Variants in AFG1L observed in about 807,000 individuals in gnomAD.
The protein encoded by AFG1L is AFG1 like ATPase, also known as AFG1-like ATPase.
Under a neutral mutation model 62.2 loss-of-function variants are expected in AFG1L, and 53 were observed. That is an observed-to-expected ratio of 0.85 (90% CI 0.68 to 1.07). The LOEUF is 1.07. Among genes scored for constraint, AFG1L ranks in the 50% least tolerant of loss-of-function variants. AFG1L has a pLI of 0.00. For synonymous variants in AFG1L, 228 were observed against 210.3 expected (o/e 1.08, Z -0.73); for missense variants, 555 against 590.5 (o/e 0.94, Z 0.62).
At chr6:108,361,937 G>A (rs998370298) in intron 5 of AFG1L, among the ~76,000 whole-genome samples, 3 of 152,114 alleles carry the variant, frequency 2.0e-5, no homozygotes, top group Non-Finnish European at 2.9e-5. Flanking sequence ...TTCCCAGAAT[G>A]TAAACTTGAA....
chr6:108,507,773 A>G (rs1186667594), intron 10 of AFG1L, among the ~76,000 whole-genome samples: 1 of 152,206 alleles, frequency 6.6e-6, no homozygotes, highest in Admixed American at 6.5e-5. Context: ...GTCTTAATGT[A>G]TGAGTTTTCC....
intron 8 of AFG1L, among the ~76,000 whole-genome samples, chr6:108,463,506 T>G (rs1371185840): frequency 6.6e-6 from 1 of 151,870 alleles, no homozygotes; most frequent in African/African-American, 2.4e-5. Flanking sequence ...CAATTCTAGA[T>G]GTCATGGTAC....
intron 6 of AFG1L, 107 bp downstream of exon 6, chr6:108,366,439 T>G: frequency 1.7e-6 from 1 of 591,822 alleles, no homozygotes; most frequent in Non-Finnish European, 2.8e-6. Context: ...ATCTGATGAC[T>G]TTGCTTATTA....
chr6:108,449,601 C>CT (rs902988395), intron 8 of AFG1L, among the ~76,000 whole-genome samples: 62 of 151,442 alleles, frequency 4.1e-4, no homozygotes, highest in Non-Finnish European at 6.6e-4. Context: ...TGTAGAAAAA[C>CT]TTTTTTTTTA....
intron 2 of AFG1L, among the ~76,000 whole-genome samples, chr6:108,329,317 G>C (rs1010660168): frequency 4.7e-5 from 7 of 150,010 alleles, no homozygotes; most frequent in African/African-American, 1.5e-4. Flanking sequence ...TATTTTTTTT[G>C]AGACAGAGTC....
chr6:108,310,916 G>A (rs539433572), intron 1 of AFG1L, among the ~76,000 whole-genome samples: 8 of 152,072 alleles, frequency 5.3e-5, no homozygotes, highest in Non-Finnish European at 1.2e-4. Flanking sequence ...TTATTGTAAC[G>A]GTGAATGGGA....
intron 4 of AFG1L, 68 bp from the exon 5 acceptor site, chr6:108,356,622 A>T: frequency 1.8e-6 from 2 of 1,134,218 alleles, no homozygotes; most frequent in Non-Finnish European, 2.4e-6. Flanking sequence ...TAGAGATTTT[A>T]AAAATATGTT....
At chr6:108,441,615 T>G (rs535816915) in intron 7 of AFG1L, among the ~76,000 whole-genome samples, 1 of 151,668 alleles carries the variant, frequency 6.6e-6, no homozygotes, top group African/African-American at 2.4e-5. Context: ...GACTTGCAGC[T>G]TAGCTTCCCC....
At chr6:108,352,387 C>A (rs573696340) in intron 3 of AFG1L, among the ~76,000 whole-genome samples, 1 of 151,984 alleles carries the variant, frequency 6.6e-6, no homozygotes, top group Non-Finnish European at 1.5e-5. Context: ...TTCAGGATGC[C>A]CTTGGATACT....
intron 5 of AFG1L, among the ~76,000 whole-genome samples, chr6:108,365,207 C>A (rs1490446530): frequency 6.6e-6 from 1 of 152,070 alleles, no homozygotes; most frequent in Non-Finnish European, 1.5e-5. Context: ...TTATTATATA[C>A]TTAGGGGAAG....
intron 7 of AFG1L, among the ~76,000 whole-genome samples, chr6:108,416,545 C>A: frequency 6.6e-6 from 1 of 152,074 alleles, no homozygotes; most frequent in Non-Finnish European, 1.5e-5. Context: ...CAATGATAGA[C>A]CGGATTAAGA....
intron 8 of AFG1L, among the ~76,000 whole-genome samples, chr6:108,471,591 G>A (rs1010092730): frequency 3.3e-5 from 5 of 150,954 alleles, no homozygotes; most frequent in Admixed American, 6.6e-5. Flanking sequence ...CTTCCGAGTA[G>A]CTGGGATTAC....
chr6:108,431,885 G>A (rs1348721728), intron 7 of AFG1L, among the ~76,000 whole-genome samples: 1 of 151,528 alleles, frequency 6.6e-6, no homozygotes, highest in Admixed American at 6.6e-5. Context: ...CGCTCAGCCC[G>A]GCCCTCACCT....
intron 2 of AFG1L, among the ~76,000 whole-genome samples, chr6:108,326,594 CA>C (rs1160058650): frequency 6.6e-6 from 1 of 152,180 alleles, no homozygotes; most frequent in Non-Finnish European, 1.5e-5. Context: ...CACCCCCTGC[CA>C]AATACGCTTT....
At chr6:108,417,462 C>A (rs981786276) in intron 7 of AFG1L, among the ~76,000 whole-genome samples, 1 of 151,998 alleles carries the variant, frequency 6.6e-6, no homozygotes, top group Admixed American at 6.6e-5. Context: ...GTTTACCATG[C>A]AGGGAAAAGA....
intron 5 of AFG1L, among the ~76,000 whole-genome samples, chr6:108,365,640 G>A (rs1779727846): frequency 6.6e-6 from 1 of 151,974 alleles, no homozygotes; most frequent in Non-Finnish European, 1.5e-5. Flanking sequence ...TTATTTTTGT[G>A]ATGGGCCATC....
chr6:108,450,225 A>G (rs1771994807), intron 8 of AFG1L, among the ~76,000 whole-genome samples: 1 of 152,224 alleles, frequency 6.6e-6, no homozygotes, highest in African/African-American at 2.4e-5. Context: ...CCAACAGTGT[A>G]AAAGCATTCC....
rs1401294615 is a variant in AFG1L at position 108,441,712 on chromosome 6, A to AAATATATAT, written c.808-5501_808-5500insATATATATA. 1.6e-3 allele frequency among the ~76,000 whole-genome samples: 222 copies of AAATATATAT among 139,472 alleles called. 1 individual carries two copies. Among genetic ancestry groups the AAATATATAT allele is most frequent in the East Asian group, 0.016 (79 of 5,020 alleles). The allele number at this position is 139,472 out of a possible 152,430, so 91.5% of individuals were successfully genotyped here. A position where few individuals can be genotyped will look rare whatever the true frequency, so the allele number is the denominator to read the frequency against. On this transcript the variant is annotated intron_variant, in intron 7 of 12. Transcript: ENST00000368977. ...ATCTGAGGTTTATTTAAAAAAAAAA[A>AAATATATAT]ATATATATATATATATATAAACTGA... is the stretch of plus-strand genomic sequence containing the variant.
At chr6:108,364,160 C>T (rs1164004844) in intron 5 of AFG1L, among the ~76,000 whole-genome samples, 1 of 152,166 alleles carries the variant, frequency 6.6e-6, no homozygotes, top group East Asian at 1.9e-4. Flanking sequence ...AAAGCCAGCT[C>T]TCCAAGAATG....
Sources: allele counts gnomAD v4.1 joint callset (sites outside exome capture counted in the v4.1 genomes callset), GRCh38; gene constraint gnomAD v4.1.1; transcripts MANE v1.5; gene names NCBI Gene and HGNC (gene_info 2026-07-23, HGNC 2026-07-21).